The following JAK1 variants were observed in gnomAD, a reference collection of about 807,000 sequenced individuals.
JAK1 encodes the protein Janus kinase 1.
In JAK1, 16 loss-of-function variants were observed where a neutral mutation model predicts 136.6. The ratio of observed to expected loss-of-function variants is 0.12; its 90% CI spans 0.08 to 0.18. JAK1 has a LOEUF of 0.18. Among genes scored for constraint, JAK1 ranks in the 10% least tolerant of loss-of-function variants. The pLI is 1.00. For synonymous variants in JAK1, 492 were observed against 519.5 expected, an observed-to-expected ratio of 0.95 and a Z score of 0.72; for missense variants, 859 against 1,450.1, an observed-to-expected ratio of 0.59 and a Z score of 6.62.
chr1:64,892,680 T>C (rs1174092830), intron 1 of JAK1, among the ~76,000 whole-genome samples: 3 of 152,164 alleles, frequency 2.0e-5, no homozygotes, highest in Non-Finnish European at 4.4e-5. Flanking sequence ...CTTTATGGCT[T>C]AAAAAGGGCT....
intron 1 of JAK1, among the ~76,000 whole-genome samples, chr1:65,049,602 C>A (rs994140436): frequency 6.6e-6 from 1 of 152,150 alleles, no homozygotes; most frequent in Admixed American, 6.5e-5. Flanking sequence ...TTCTAACTCA[C>A]TCCTTGGGGC....
chr1:64,944,397 T>A (rs1176550689), intron 1 of JAK1, among the ~76,000 whole-genome samples: 1 of 152,148 alleles, frequency 6.6e-6, no homozygotes, highest in Non-Finnish European at 1.5e-5. Context: ...AATATGTCAC[T>A]TTTGGAGAGC....
chr1:64,912,733 A>G (rs942489426), intron 1 of JAK1, among the ~76,000 whole-genome samples: 6 of 152,208 alleles, frequency 3.9e-5, no homozygotes, highest in Non-Finnish European at 5.9e-5. Flanking sequence ...AAAAAGGTCC[A>G]TTTCTGAAAG....
At chr1:64,956,911 A>T (rs1046120442) in intron 1 of JAK1, among the ~76,000 whole-genome samples, 1 of 152,240 alleles carries the variant, frequency 6.6e-6, no homozygotes, top group Non-Finnish European at 1.5e-5. Flanking sequence ...GAACAGAGAC[A>T]TACAGAGAAA....
At chr1:64,966,719 C>T (rs1252854637), upstream of JAK1, among the ~76,000 whole-genome samples, 1 of 148,480 alleles carries the variant, frequency 6.7e-6, no homozygotes, top group Non-Finnish European at 1.5e-5. Flanking sequence ...CATCCGGCTT[C>T]GCTCGCGAAG....
intron 1 of JAK1, among the ~76,000 whole-genome samples, chr1:64,934,458 G>A (rs889497533): frequency 2.6e-5 from 4 of 151,964 alleles, no homozygotes; most frequent in African/African-American, 9.7e-5. Flanking sequence ...AGAGGTTGTC[G>A]TGACTCATCA....
At chr1:64,901,735 T>C (rs948484807) in intron 1 of JAK1, among the ~76,000 whole-genome samples, 1 of 152,202 alleles carries the variant, frequency 6.6e-6, no homozygotes, top group African/African-American at 2.4e-5. Flanking sequence ...AGTGCAACCA[T>C]CATCACTATC....
chr1:64,973,272 G>C (rs1292434890), intron 2 of JAK1, among the ~76,000 whole-genome samples: 1 of 146,344 alleles, frequency 6.8e-6, no homozygotes, highest in Non-Finnish European at 1.5e-5. Flanking sequence ...AAAGACGGAA[G>C]GAAGGAAAGA....
intron 2 of JAK1, chr1:65,003,588 A>G (rs1055454319): frequency 1.3e-5 from 2 of 152,202 alleles, no homozygotes; most frequent in Non-Finnish European, 2.9e-5. Flanking sequence ...CTATAGGCCA[A>G]CGCTTTCATT....
At chr1:65,015,442 G>C (rs1646884814) in intron 2 of JAK1, among the ~76,000 whole-genome samples, 2 of 151,300 alleles carry the variant, frequency 1.3e-5, no homozygotes, top group Admixed American at 1.3e-4. Context: ...AAATAATAAA[G>C]ACAGAATATA....
chr1:64,925,272 G>T (rs1399748741), intron 1 of JAK1, among the ~76,000 whole-genome samples: 4 of 151,726 alleles, frequency 2.6e-5, no homozygotes, highest in Admixed American at 6.6e-5. Flanking sequence ...GCAGGGTGTG[G>T]TGGCGCACAC....
intron 2 of JAK1, among the ~76,000 whole-genome samples, chr1:65,034,299 G>A (rs1295294817): frequency 1.3e-5 from 2 of 152,220 alleles, no homozygotes; most frequent in Non-Finnish European, 2.9e-5. Context: ...GAAAGCCAAA[G>A]AGAAGATACA....
In JAK1 at chr1:65,009,131, C is replaced by T. The variant is rs116770897; in HGVS notation, c.-78+35349G>A. 9.3e-3 allele frequency among the ~76,000 whole-genome samples: 1,412 copies of T among 151,912 alleles called. 23 individuals carry two copies. The highest frequency in any genetic ancestry group is 0.033 in the African/African-American group (1,349 of 41,410). On this transcript the variant is annotated intron_variant, in intron 2 of 25. Coordinates refer to the JAK1 transcript ENST00000671954. ...TCCACCGACAGAAGAATGGTTAAAG[C>T]ATCTATGGTATAGCCATCCTATAGA...
At chr1:64,914,971 A>G (rs1281486902) in intron 1 of JAK1, among the ~76,000 whole-genome samples, 1 of 152,140 alleles carries the variant, frequency 6.6e-6, no homozygotes, top group Non-Finnish European at 1.5e-5. Flanking sequence ...ACTATTTAAT[A>G]AAAAAAGCTC....
At chr1:64,860,771 G>A (rs1487231501) in intron 8 of JAK1, among the ~76,000 whole-genome samples, 1 of 151,808 alleles carries the variant, frequency 6.6e-6, no homozygotes, top group Admixed American at 6.6e-5. Flanking sequence ...ATTTATATAG[G>A]ACTTTCACTG....
intron 1 of JAK1, among the ~76,000 whole-genome samples, chr1:64,927,899 G>C (rs377406907): frequency 1.3e-5 from 2 of 152,222 alleles, no homozygotes; most frequent in African/African-American, 2.4e-5. Flanking sequence ...AGGTAAGAAA[G>C]TGATGGCTGA....
At chr1:64,956,360 G>T (rs144305597) in intron 1 of JAK1, among the ~76,000 whole-genome samples, 163 of 152,332 alleles carry the variant, frequency 1.1e-3, no homozygotes, top group African/African-American at 3.3e-3. Context: ...AGGCAGCCCA[G>T]TGTGAAATGG....
chr1:65,027,050 G>GT (rs1237171363), intron 2 of JAK1, among the ~76,000 whole-genome samples: 2 of 151,568 alleles, frequency 1.3e-5, no homozygotes, highest in Non-Finnish European at 2.9e-5. Flanking sequence ...AACTTTTGGG[G>GT]TTTTTTGTTT....
chr1:64,949,831 G>T (rs1646050054), intron 1 of JAK1, among the ~76,000 whole-genome samples: 1 of 152,146 alleles, frequency 6.6e-6, no homozygotes, highest in Non-Finnish European at 1.5e-5. Context: ...GCAGAAAAAT[G>T]CTAATTGTGT....
Sources: gnomAD v4.1 joint callset for allele counts (sites outside exome capture counted in the v4.1 genomes callset) on GRCh38, gnomAD v4.1.1 for gene constraint, MANE v1.5 for transcripts, NCBI Gene and HGNC (gene_info 2026-07-23, HGNC 2026-07-21) for gene names.